Variants in CDH12 observed in about 807,000 individuals in gnomAD.
CDH12 encodes cadherin-12.
A neutral mutation model predicts 74.1 loss-of-function variants in CDH12; 41 were observed. The ratio of observed to expected loss-of-function variants is 0.55; its 90% CI spans 0.43 to 0.72. CDH12 has a LOEUF of 0.72. CDH12 is among the 30% of genes least tolerant of loss of function. The pLI, the probability that CDH12 is intolerant of heterozygous loss-of-function variation, is 0.00. For synonymous variants in CDH12, 399 were observed against 355.0 expected (o/e 1.12, Z -1.39); for missense variants, 945 against 977.2 (o/e 0.97, Z 0.44).
intron 1 of CDH12, among the ~76,000 whole-genome samples, chr5:22,519,019 G>A (rs1344047668): frequency 6.6e-6 from 1 of 152,116 alleles, no homozygotes; most frequent in Non-Finnish European, 1.5e-5. Flanking sequence ...ATACACCAAA[G>A]TGGCATTGCC....
intron 4 of CDH12, among the ~76,000 whole-genome samples, chr5:22,149,888 G>C (rs764663185): frequency 9.9e-5 from 15 of 152,132 alleles, no homozygotes; most frequent in Non-Finnish European, 1.6e-4. Context: ...CCAGCTTCTC[G>C]GGAGGCTGAG....
At chr5:22,267,528 C>T (rs1736179663) in intron 3 of CDH12, among the ~76,000 whole-genome samples, 2 of 152,088 alleles carry the variant, frequency 1.3e-5, no homozygotes, top group Admixed American at 1.3e-4. Context: ...ATTAAATTGT[C>T]TTAAAAAATT....
intron 5 of CDH12, among the ~76,000 whole-genome samples, chr5:22,024,278 G>A (rs4337821): frequency 0.22 from 33,746 of 151,930 alleles, 3,859 homozygotes; most frequent in South Asian, 0.33. Flanking sequence ...ATCCTTTAGA[G>A]CTGCAATGTA....
chr5:21,878,749 GT>G (rs1337060196), intron 6 of CDH12, among the ~76,000 whole-genome samples: 1 of 144,506 alleles, frequency 6.9e-6, no homozygotes, highest in Non-Finnish European at 1.5e-5. Context: ...AAGAGACCCT[GT>G]TGAAAGAAGA....
chr5:22,078,627 C>G lies in CDH12; in HGVS notation c.50G>C (p.Gly17Ala). ...LSLLLWVLFD[G>A]GLLTPLQPQP... ...TGGTTGTAGTGGTGTTAGGAGACCT[C>G]CATCAAACAGAACCCAGAGAAGCAG... Residue 17 changes from glycine to alanine, a missense_variant, in exon 5 of 15, where the codon GGA becomes GCA. Gly to Ala is a moderately conservative substitution (Grantham distance 60). Coordinates refer to ENST00000382254, the MANE Select transcript of CDH12 (RefSeq NM_004061.5). 1 of 1,613,824 alleles carries G rather than the reference C, an allele frequency of 6.2e-7. No homozygotes were observed. The highest frequency in any genetic ancestry group is 8.5e-7 in the Non-Finnish European group (1 of 1,179,824).
At chr5:22,834,811 T>C (rs1486630485) in intron 1 of CDH12, among the ~76,000 whole-genome samples, 2 of 151,416 alleles carry the variant, frequency 1.3e-5, no homozygotes, top group Non-Finnish European at 2.9e-5. Context: ...TGACATACAC[T>C]TCTGAAAAAG....
chr5:22,582,289 CTTTCT>C (rs1403130587), intron 1 of CDH12, among the ~76,000 whole-genome samples: 1 of 152,112 alleles, frequency 6.6e-6, no homozygotes, highest in Non-Finnish European at 1.5e-5. Context: ...CTTTTTTGGC[CTTTCT>C]TTTCATCACC....
chr5:22,205,398 A>G (rs1240312283), intron 4 of CDH12, among the ~76,000 whole-genome samples: 2 of 152,228 alleles, frequency 1.3e-5, no homozygotes, highest in Non-Finnish European at 2.9e-5. Context: ...ATAAGATTTT[A>G]AACATTACAG....
intron 4 of CDH12, among the ~76,000 whole-genome samples, chr5:22,117,985 C>T (rs1186222742): frequency 6.6e-6 from 1 of 152,042 alleles, no homozygotes; most frequent in East Asian, 1.9e-4. Flanking sequence ...ATAATTTGTG[C>T]ACACTCGTAT....
intron 3 of CDH12, among the ~76,000 whole-genome samples, chr5:22,309,063 A>G (rs1242923983): frequency 6.6e-6 from 1 of 152,150 alleles, no homozygotes; most frequent in Non-Finnish European, 1.5e-5. Context: ...CCATACAAAA[A>G]TGGGAGAGTT....
chr5:22,755,909 G>A lies in CDH12; in HGVS notation c.-523+97149C>T, dbSNP rs562497180. Among the ~76,000 whole-genome samples, 350 of 151,844 alleles carry A rather than the reference G, an allele frequency of 2.3e-3. 3 individuals are homozygous for A. Among genetic ancestry groups the A allele is most frequent in the African/African-American group, 8.2e-3 (340 of 41,482 alleles). On this transcript the variant is annotated intron_variant, in intron 1 of 14. Coordinates refer to ENST00000382254, the MANE Select transcript of CDH12 (RefSeq NM_004061.5). Reference sequence around the variant, plus strand: ...TAAACAAGTTAGAACTGTGAAAAATGGGTACAATGTATCTACAGGGGAAAT... The same window carrying A: ...TAAACAAGTTAGAACTGTGAAAAATAGGTACAATGTATCTACAGGGGAAAT...
intron 10 of CDH12, among the ~76,000 whole-genome samples, chr5:21,785,294 C>A (rs1395194451): frequency 6.6e-6 from 1 of 152,154 alleles, no homozygotes; most frequent in Non-Finnish European, 1.5e-5. Context: ...CTTCTCTAGT[C>A]CCTGAGACAC....
chr5:22,075,108 C>T (rs1561083731), intron 5 of CDH12, among the ~76,000 whole-genome samples: 1 of 151,970 alleles, frequency 6.6e-6, no homozygotes, highest in South Asian at 2.1e-4. Context: ...GGCACATATA[C>T]ACCATGGAAT....
chr5:21,853,781 T>G (rs1266983283), intron 7 of CDH12, among the ~76,000 whole-genome samples: 1 of 151,704 alleles, frequency 6.6e-6, no homozygotes, highest in Non-Finnish European at 1.5e-5. Context: ...TTTACAAATT[T>G]AAAAGGTAAC....
chr5:22,349,029 C>T (rs1740243200), intron 3 of CDH12, among the ~76,000 whole-genome samples: 1 of 152,098 alleles, frequency 6.6e-6, no homozygotes, highest in African/African-American at 2.4e-5. Context: ...AGAGTAGAGT[C>T]CTCATGAATG....
At chr5:22,138,182 T>G (rs572748377) in intron 4 of CDH12, among the ~76,000 whole-genome samples, 46 of 152,138 alleles carry the variant, frequency 3.0e-4, no homozygotes, top group African/African-American at 1.0e-3. Flanking sequence ...ATAGTACTCA[T>G]GGTCTTTTAT....
intron 1 of CDH12, among the ~76,000 whole-genome samples, chr5:22,614,380 G>A (rs1223006314): frequency 1.3e-5 from 2 of 152,094 alleles, no homozygotes; most frequent in South Asian, 2.1e-4. Flanking sequence ...ATAAAGCTAG[G>A]GAACCTCACC....
In CDH12 at chr5:22,569,809, T is replaced by G. The variant is rs149101507; in HGVS notation, c.-522-64445A>C. Reference sequence around the variant, plus strand: ...ATCTACCATACTTGCAGTTACTTCCTCTACTAAAGTCTTGAACTCTTCTAA... The same window carrying G: ...ATCTACCATACTTGCAGTTACTTCCGCTACTAAAGTCTTGAACTCTTCTAA... On this transcript the variant is annotated intron_variant, in intron 1 of 14. Transcript: ENST00000382254. Among the ~76,000 whole-genome samples, 8 of 152,278 alleles carry G rather than the reference T, an allele frequency of 5.3e-5. No individual in the cohort carries two copies. In the East Asian group the frequency reaches 1.6e-3, roughly 30 times the overall value.
At chr5:22,494,280 C>T (rs1374881823) in intron 2 of CDH12, among the ~76,000 whole-genome samples, 2 of 152,122 alleles carry the variant, frequency 1.3e-5, no homozygotes, top group African/African-American at 4.8e-5. Context: ...CAAAGCTGTG[C>T]ACATTAGGTG....
Sources: gnomAD v4.1 joint callset for allele counts (sites outside exome capture counted in the v4.1 genomes callset) on GRCh38, gnomAD v4.1.1 for gene constraint, MANE v1.5 for transcripts, NCBI Gene and HGNC (gene_info 2026-07-23, HGNC 2026-07-21) for gene names.